The following LYST variants were observed in gnomAD, a reference collection of about 807,000 sequenced individuals.
LYST encodes the protein lysosomal trafficking regulator.
In LYST, 192 loss-of-function variants were observed where a neutral mutation model predicts 413.6. The ratio of observed to expected loss-of-function variants is 0.46; its 90% confidence interval spans 0.41 to 0.52. The LOEUF is 0.52. LYST is among the 20% of genes least tolerant of loss of function. The probability of loss-of-function intolerance (pLI) is 0.00; values close to 1 mark genes in which losing one functional copy is unlikely to be tolerated. For synonymous variants in LYST, 1,525 were observed against 1,567.3 expected, an observed-to-expected ratio of 0.97 and a Z score of 0.64; for missense variants, 3,815 against 4,499.9, an observed-to-expected ratio of 0.85 and a Z score of 4.35.
chr1:235,751,519 A>C (rs554136375), intron 27 of LYST, among the ~76,000 whole-genome samples, 157 bp from the exon 28 acceptor site: 11 of 152,346 alleles, frequency 7.2e-5, no homozygotes, highest in African/African-American at 2.6e-4. Context: ...AATTCTTGTT[A>C]AAAGCAATTT....
At chr1:235,785,227 T>C (rs1248153741) in intron 14 of LYST, among the ~76,000 whole-genome samples, 1 of 152,208 alleles carries the variant, frequency 6.6e-6, no homozygotes, top group Non-Finnish European at 1.5e-5. Context: ...CCTTCCCTGA[T>C]CCACCCATCG....
chr1:235,849,518 G>A (rs1171405471), intron 1 of LYST, among the ~76,000 whole-genome samples: 1 of 152,024 alleles, frequency 6.6e-6, no homozygotes, highest in Non-Finnish European at 1.5e-5. Context: ...CCTAGCCAGA[G>A]CAATCAGACA....
chr1:235,779,221 C>T (rs1669619134), intron 16 of LYST, among the ~76,000 whole-genome samples: 1 of 152,176 alleles, frequency 6.6e-6, no homozygotes. Context: ...TCCCAAATTA[C>T]TAAATCGGGC....
At chr1:235,707,028 C>T (rs1212175669) in intron 44 of LYST, among the ~76,000 whole-genome samples, 1 of 152,154 alleles carries the variant, frequency 6.6e-6, no homozygotes, top group African/African-American at 2.4e-5. Context: ...CAGAAAATTA[C>T]AGTTAGTGGA....
chr1:235,765,611 A>G (rs1018263176), intron 21 of LYST, among the ~76,000 whole-genome samples: 1 of 152,114 alleles, frequency 6.6e-6, no homozygotes, highest in Non-Finnish European at 1.5e-5. Flanking sequence ...GGTAAAACTC[A>G]TTAGTCCTTA....
rs71174466 is a variant in LYST at position 235,882,078 on chromosome 1, T to TCACACACACACACA, written n.454+1095_454+1108dup. ...CACATACACACACACACTCTTTCTT[T>TCACACACACACACA]CACACACACACACACACACACACAC... is the stretch of plus-strand genomic sequence containing the variant. On this transcript the variant is annotated intron_variant and non_coding_transcript_variant, in intron 1 of 11. Transcript: ENST00000465349. Among the ~76,000 whole-genome samples the TCACACACACACACA allele has an allele frequency of 6.3e-3, 919 of 145,816 alleles. 11 individuals carry two copies. Among genetic ancestry groups the TCACACACACACACA allele is most frequent in the African/African-American group, 0.022 (845 of 38,950 alleles).
intron 2 of LYST, among the ~76,000 whole-genome samples, chr1:235,831,567 G>C (rs3820555): frequency 6.6e-6 from 1 of 151,584 alleles, no homozygotes; most frequent in African/African-American, 2.4e-5. Context: ...TGAAAGGGAA[G>C]TACCAGAGAA....
intron 1 of LYST, among the ~76,000 whole-genome samples, chr1:235,862,157 G>GAT (rs1168264067): frequency 1.1e-4 from 17 of 152,298 alleles, no homozygotes; most frequent in Middle Eastern, 6.8e-3. Context: ...CAGGCCAGTT[G>GAT]ATATGATATG....
rs763726975 is a variant in LYST at position 235,733,791 on chromosome 1, T to C, written c.8612+39A>G. 2.5e-5 allele frequency: 37 copies of C among 1,508,712 alleles called. No homozygotes were observed. The African/African-American group carries it at 4.8e-4, about 20-fold the overall frequency. The allele number at this position is 1,508,712 out of a possible 1,614,324, so 93.5% of individuals were successfully genotyped here. On this transcript the variant is annotated intron_variant, in intron 33 of 52. Transcript: ENST00000389793. ...AAAAGTATATGTGAAATCTAATGGA[T>C]TCCTAAAATACATGCCTTTGGAACA...
At chr1:235,668,216 A>G (rs947155643) in intron 50 of LYST, among the ~76,000 whole-genome samples, 1 of 152,026 alleles carries the variant, frequency 6.6e-6, no homozygotes, top group Non-Finnish European at 1.5e-5. Context: ...ATATATATAT[A>G]TTTTAATTTT....
At chr1:235,859,241 C>G (rs1395303826) in intron 1 of LYST, among the ~76,000 whole-genome samples, 2 of 152,154 alleles carry the variant, frequency 1.3e-5, no homozygotes, top group Non-Finnish European at 2.9e-5. Context: ...TCCATTTCCT[C>G]TCGTTACATT....
intron 38 of LYST, among the ~76,000 whole-genome samples, chr1:235,725,716 C>T (rs1663809400): frequency 6.6e-6 from 1 of 152,052 alleles, no homozygotes; most frequent in African/African-American, 2.4e-5. Flanking sequence ...AAATAAAGCC[C>T]CACTCACTAA....
At chr1:235,663,784 C>T (rs1270494343) in intron 52 of LYST, among the ~76,000 whole-genome samples, 200 bp downstream of exon 52, 1 of 152,180 alleles carries the variant, frequency 6.6e-6, no homozygotes, top group African/African-American at 2.4e-5. Context: ...GTCACTGACT[C>T]GGATTTTAAG....
chr1:235,788,421 C>A (rs1339803970), intron 13 of LYST, among the ~76,000 whole-genome samples: 7 of 152,124 alleles, frequency 4.6e-5, no homozygotes, highest in African/African-American at 1.7e-4. Context: ...CTCCTGACCT[C>A]AGGTGATCTG....
At chr1:235,750,685 T>C (rs945539620) in intron 28 of LYST, among the ~76,000 whole-genome samples, 1 of 152,116 alleles carries the variant, frequency 6.6e-6, no homozygotes, top group Non-Finnish European at 1.5e-5. Flanking sequence ...ATATTAATGT[T>C]TATTATTTGA....
At position 235,769,194 on chromosome 1, in the gene LYST, C is replaced by T. The variant is rs80324250; in HGVS notation, c.5922+966G>A. Among the ~76,000 whole-genome samples, 296 of 151,968 alleles carry T rather than the reference C, an allele frequency of 1.9e-3. 1 individual carries two copies. The highest frequency in any genetic ancestry group is 9.8e-3 in the East Asian group (51 of 5,182). ...TCAGGAAGTAAGTCTTAAGTTGCCA[C>T]GTGGAGGATAAGTAGGAGTTGGCCA... On this transcript the variant is annotated intron_variant, in intron 20 of 52. Coordinates refer to ENST00000389793, the MANE Select transcript of LYST (RefSeq NM_000081.4).
intron 1 of LYST, chr1:235,839,795 ACT>A (rs1405012520): frequency 6.6e-6 from 1 of 151,732 alleles, no homozygotes; most frequent in Non-Finnish European, 1.5e-5. Context: ...ACAGAGCGAG[ACT>A]CTGTCTCAAA....
At chr1:235,818,521 G>A (rs931656430) in intron 3 of LYST, among the ~76,000 whole-genome samples, 2 of 151,776 alleles carry the variant, frequency 1.3e-5, no homozygotes, top group African/African-American at 4.8e-5. Flanking sequence ...CCATTTCCAT[G>A]TGCTTTACTT....
chr1:235,873,894 A>G (rs1193941532), intron 1 of LYST, among the ~76,000 whole-genome samples: 1 of 152,250 alleles, frequency 6.6e-6, no homozygotes, highest in Non-Finnish European at 1.5e-5. Flanking sequence ...TAAAGCCAAG[A>G]GCCCAGTTTA....
Sources: gnomAD v4.1 joint callset for allele counts (sites outside exome capture counted in the v4.1 genomes callset) on GRCh38, gnomAD v4.1.1 for gene constraint, MANE v1.5 for transcripts, NCBI Gene and HGNC (gene_info 2026-07-23, HGNC 2026-07-21) for gene names.